The following RABGAP1 variants were observed in gnomAD, a reference collection of about 807,000 sequenced individuals.
RABGAP1 encodes the protein rab GTPase-activating protein 1.
Under a neutral mutation model 137.6 loss-of-function variants are expected in RABGAP1, and 23 were observed. The ratio of observed to expected loss-of-function variants is 0.17; its 90% confidence interval spans 0.12 to 0.24. The LOEUF is 0.24. RABGAP1 is among the 10% of genes least tolerant of loss of function. The pLI, the probability that RABGAP1 is intolerant of heterozygous loss-of-function variation, is 1.00. For synonymous variants in RABGAP1, 451 were observed against 450.7 expected (o/e 1.00, Z -0.01); for missense variants, 906 against 1,275.8 (o/e 0.71, Z 4.42).
chr9:122,958,882 A>G (rs1834689228), intron 2 of RABGAP1, among the ~76,000 whole-genome samples: 1 of 151,878 alleles, frequency 6.6e-6, no homozygotes, highest in Non-Finnish European at 1.5e-5. Context: ...GGTGGCACAC[A>G]CCTTCAGTCC....
At chr9:122,982,626 T>G (rs1023920924) in intron 2 of RABGAP1, among the ~76,000 whole-genome samples, 5 of 152,228 alleles carry the variant, frequency 3.3e-5, no homozygotes, top group African/African-American at 1.2e-4. Flanking sequence ...GAAAAATTAG[T>G]TTAGGTTCAC....
intron 1 of RABGAP1, among the ~76,000 whole-genome samples, chr9:122,951,778 G>A (rs974543088): frequency 2.0e-5 from 3 of 152,016 alleles, no homozygotes; most frequent in Admixed American, 2.0e-4. Context: ...TAACTATATT[G>A]CCCAGGCTGG....
chr9:123,069,740 C>T (rs1274811362), intron 14 of RABGAP1, among the ~76,000 whole-genome samples: 1 of 151,966 alleles, frequency 6.6e-6, no homozygotes, highest in East Asian at 1.9e-4. Context: ...AAAAATTAGG[C>T]AGGCATGGTG....
chr9:122,990,788 AAAAAAAAAATATATATATATATAT>A (rs1315741309), intron 6 of RABGAP1: 3 of 73,912 alleles, frequency 4.1e-5, no homozygotes, highest in South Asian at 5.7e-4. Context: ...AAAAAAAAAA[AAAAAAAAAATATATATATATATAT>A]ATATATATAT....
In RABGAP1 at chr9:123,065,473, C is replaced by CA. The variant is rs3214358; in HGVS notation, c.1908+23dup. ...ATAAAATATGCAAGGTATTTCATGT[C>CA]AAAAAAAAAAAGGACTCAATTCTGA... is the stretch of plus-strand genomic sequence containing the variant. On this transcript the variant is annotated intron_variant, in intron 14 of 25. Transcript: ENST00000373647. 33,422 of 1,078,228 alleles carry CA rather than the reference C, an allele frequency of 0.031. 23 individuals carry two copies. The highest frequency in any genetic ancestry group is 0.033 in the Non-Finnish European group (25,402 of 778,800). The allele number at this position is 1,078,228 out of a possible 1,614,324, so 66.8% of individuals were successfully genotyped here. A position where few individuals can be genotyped will look rare whatever the true frequency, so the allele number is the denominator to read the frequency against.
intron 13 of RABGAP1, chr9:123,034,666 A>C: frequency 6.2e-7 from 1 of 1,613,208 alleles, no homozygotes; most frequent in Non-Finnish European, 8.5e-7. Context: ...GGAAGTATTG[A>C]TTATTGTCTT....
chr9:123,080,344 C>T (rs975424490), intron 19 of RABGAP1, among the ~76,000 whole-genome samples: 1 of 152,174 alleles, frequency 6.6e-6, no homozygotes, highest in Admixed American at 6.5e-5. Flanking sequence ...CCTATTTGCA[C>T]ATGATTTCAG....
upstream of RABGAP1, among the ~76,000 whole-genome samples, chr9:122,937,470 G>A (rs1190715182): frequency 1.3e-5 from 2 of 152,064 alleles, no homozygotes; most frequent in Non-Finnish European, 2.9e-5. Flanking sequence ...GGTGGCGTAC[G>A]CCTGTAATCT....
chr9:122,957,445 T>C (rs1273978643), intron 2 of RABGAP1, among the ~76,000 whole-genome samples: 1 of 152,222 alleles, frequency 6.6e-6, no homozygotes, highest in Non-Finnish European at 1.5e-5. Flanking sequence ...CTAGTGGTTA[T>C]AGTATAAACA....
At chr9:123,072,008 A>C (rs913337957) in intron 15 of RABGAP1, among the ~76,000 whole-genome samples, 1 of 152,198 alleles carries the variant, frequency 6.6e-6, no homozygotes, top group Non-Finnish European at 1.5e-5. Context: ...CAGGTATTCA[A>C]GGGTATTAAG....
At position 122,952,783 on chromosome 9, in the gene RABGAP1, G is replaced by A. The variant is rs536281413; in HGVS notation, c.-49-4228G>A. Among the ~76,000 whole-genome samples, 153 of 152,252 alleles carry A rather than the reference G, an allele frequency of 1.0e-3. No individual in the cohort carries two copies. The Middle Eastern group carries it at 0.01, about 10-fold the overall frequency. On this transcript the variant is annotated intron_variant, in intron 1 of 25. Coordinates refer to ENST00000373647, the MANE Select transcript of RABGAP1 (RefSeq NM_012197.4). ...TTGCATCCACCAACCTGCCCTGTTG[G>A]TAATTGGACTTGTTATAAGGATCTA...
intron 2 of RABGAP1, among the ~76,000 whole-genome samples, chr9:122,957,449 A>T (rs996345638): frequency 6.6e-6 from 1 of 152,220 alleles, no homozygotes; most frequent in East Asian, 1.9e-4. Flanking sequence ...TGGTTATAGT[A>T]TAAACATTTG....
chr9:122,935,305 G>A, the RABGAP1 span, among the ~76,000 whole-genome samples: 2 of 151,982 alleles, frequency 1.3e-5, no homozygotes, highest in Non-Finnish European at 2.9e-5. Context: ...TGTTACTGAT[G>A]TCACAGATAA....
intron 1 of RABGAP1, among the ~76,000 whole-genome samples, chr9:122,947,074 CT>C (rs1413483609): frequency 3.3e-5 from 5 of 152,084 alleles, no homozygotes; most frequent in South Asian, 2.1e-4. Flanking sequence ...GATATCCCCC[CT>C]AAAGACCCTA....
intron 13 of RABGAP1, among the ~76,000 whole-genome samples, chr9:123,027,114 T>C (rs574891358): frequency 4.3e-4 from 63 of 148,124 alleles, no homozygotes; most frequent in African/African-American, 1.1e-3. Context: ...TTTTCTTTTT[T>C]TTTTTTTTTT....
At chr9:122,997,526 G>C (rs981728265) in intron 9 of RABGAP1, among the ~76,000 whole-genome samples, 165 bp downstream of exon 9, 2 of 152,116 alleles carry the variant, frequency 1.3e-5, no homozygotes, top group African/African-American at 4.8e-5. Flanking sequence ...TATAAGCAAA[G>C]TATCACTTTT....
At chr9:123,093,268 CA>C (rs1160385298) in intron 21 of RABGAP1, among the ~76,000 whole-genome samples, 1 of 152,222 alleles carries the variant, frequency 6.6e-6, no homozygotes, top group African/African-American at 2.4e-5. Flanking sequence ...GTTCTTCACA[CA>C]ACAGCTGTGG....
chr9:122,966,624 G>T (rs973236304), intron 2 of RABGAP1, among the ~76,000 whole-genome samples: 1 of 152,138 alleles, frequency 6.6e-6, no homozygotes, highest in African/African-American at 2.4e-5. Flanking sequence ...GGTTCTTAGG[G>T]TACTTCAGTA....
intron 19 of RABGAP1, among the ~76,000 whole-genome samples, chr9:123,079,225 TTTTG>T (rs1187312036): frequency 8.7e-5 from 3 of 34,634 alleles, no homozygotes; most frequent in Non-Finnish European, 1.3e-3. Context: ...TTTTTTGTTT[TTTTG>T]TTTTGTTTTG....
Sources: allele counts gnomAD v4.1 joint callset (sites outside exome capture counted in the v4.1 genomes callset), GRCh38; gene constraint gnomAD v4.1.1; transcripts MANE v1.5; gene names NCBI Gene and HGNC (gene_info 2026-07-23, HGNC 2026-07-21).